RRP9: variants seen among roughly 807,000 people sequenced by gnomAD.
RRP9 encodes the protein ribosomal RNA processing 9, U3 small nucleolar RNA binding protein.
Under a neutral mutation model 65.5 loss-of-function variants are expected in RRP9, and 35 were observed. The observed-to-expected ratio is 0.53, with a 90% CI of 0.41 to 0.71. The LOEUF (loss-of-function observed/expected upper bound fraction) is 0.71, where lower values mean the gene tolerates loss of function less well. Ranked by LOEUF, RRP9 falls within the 30% of genes least tolerant of loss-of-function variation. The pLI, the probability that RRP9 is intolerant of heterozygous loss-of-function variation, is 0.00. For missense variants in RRP9, 533 were observed against 633.6 expected (o/e 0.84, Z 1.70); for synonymous variants, 254 against 245.0 (o/e 1.04, Z -0.34).
intron 1 of RRP9, 62 bp from the exon 2 acceptor site, chr3:51,941,553 G>C (rs887042923): frequency 3.4e-5 from 44 of 1,290,684 alleles, no homozygotes; most frequent in African/African-American, 2.7e-4. Flanking sequence ...TTGACCAAGG[G>C]CCCCCCCCCC....
chr3:51,941,366 G>A (rs1229443872), intron 2 of RRP9, 43 bp downstream of exon 2: 2 of 1,509,922 alleles, frequency 1.3e-6, no homozygotes, highest in Middle Eastern at 1.7e-4. Flanking sequence ...GTGCACCATG[G>A]GACTCAGTTT....
At position 51,935,238 on chromosome 3, in the gene RRP9, G is replaced by A. The variant is rs549951511; in HGVS notation, c.993C>T (p.His331=). The change falls in exon 11 of 15, where the codon CAC becomes CAT. Residue 331 remains histidine, a synonymous_variant. Transcript: ENST00000232888. ...YGHQGSIDCI[H]LINEEHMVSG... is the part of the protein sequence containing the mutation. ...ACACCATGTGCTCCTCATTGATTAGGTGGATGCAGTCGATGGAGCCCCTGG... is the reference window on the plus strand; with the variant it reads ...ACACCATGTGCTCCTCATTGATTAGATGGATGCAGTCGATGGAGCCCCTGG... The A allele has an allele frequency of 5.0e-6, 8 of 1,614,212 alleles. No homozygotes were observed. In the African/African-American group the frequency reaches 9.3e-5, roughly 19 times the overall value.
chr3:51,940,829 A>G (rs1467971106), intron 2 of RRP9, among the ~76,000 whole-genome samples: 1 of 152,022 alleles, frequency 6.6e-6, no homozygotes, highest in Non-Finnish European at 1.5e-5. Context: ...CATCTTTTCT[A>G]CTGCCCATTC....
Position 51,941,871 on chromosome 3 carries a change from G to A in RRP9, c.-4C>T, listed in dbSNP as rs571681060. ...GAGCAGCCGCTGTTGCCGACATGCT[G>A]CCCACCAGGCGTGTAGCAGCGGCCG... On this transcript the variant is annotated 5_prime_UTR_variant, in exon 1 of 15. Coordinates refer to ENST00000232888, the MANE Select transcript of RRP9 (RefSeq NM_004704.5). The A allele has an allele frequency of 2.6e-4, 407 of 1,577,352 alleles. 1 individual carries two copies. The highest frequency in any genetic ancestry group is 2.5e-3 in the Middle Eastern group (15 of 5,896).
chr3:51,933,445 T>C lies in RRP9; in HGVS notation c.*61A>G. ...AGAAACAAGGCCCAAAAGAGGAGGC[T>C]TTTAATACAAAGAGGGTGGGGCATA... is the stretch of plus-strand genomic sequence containing the variant. On this transcript the variant is annotated 3_prime_UTR_variant, in exon 15 of 15. Coordinates refer to ENST00000232888, the MANE Select transcript of RRP9 (RefSeq NM_004704.5). 1.5e-6 allele frequency: 2 copies of C among 1,340,238 alleles called. No individual in the cohort carries two copies. The highest frequency in any genetic ancestry group is 1.2e-5 in the South Asian group (1 of 81,206). 83.0% of individuals were successfully genotyped at this position (1,340,238 alleles called of 1,614,324 possible). A position where few individuals can be genotyped will look rare whatever the true frequency, so the allele number is the denominator to read the frequency against.
chr3:51,934,691 C>G lies in RRP9; in HGVS notation c.1120G>C (p.Glu374Gln). Residue 374 changes from glutamate to glutamine, a missense_variant, in exon 12 of 15, where the codon GAG becomes CAG. Coordinates refer to ENST00000232888, the MANE Select transcript of RRP9 (RefSeq NM_004704.5). This position sits in a 1 kb window ranked among gnomAD's most constrained non-coding sequence, Gnocchi z 4.1. ...AHGLRGEPGL[E>Q]QPFWISSVAA... is the part of the protein sequence containing the mutation. ...ACCGACGATATCCAGAAGGGCTGCT[C>G]CAGGCCTGGCTCTCCCCGCAGCCCG... 6 of 1,614,120 alleles carry G rather than the reference C, an allele frequency of 3.7e-6. No homozygotes were observed. The highest frequency in any genetic ancestry group is 5.1e-6 in the Non-Finnish European group (6 of 1,180,026).
At chr3:51,940,496 A>G (rs930703260) in intron 2 of RRP9, among the ~76,000 whole-genome samples, 1 of 152,052 alleles carries the variant, frequency 6.6e-6, no homozygotes, top group African/African-American at 2.4e-5. Context: ...ATCTACATGC[A>G]CTTATGACCA....
At chr3:51,939,397 G>C (rs1240658190) in intron 2 of RRP9, among the ~76,000 whole-genome samples, 1 of 152,252 alleles carries the variant, frequency 6.6e-6, no homozygotes, top group Non-Finnish European at 1.5e-5. Context: ...TCATACGCAT[G>C]AGACAGAACG....
At chr3:51,940,055 G>A (rs113431018) in intron 2 of RRP9, among the ~76,000 whole-genome samples, 2,135 of 152,180 alleles carry the variant, frequency 0.014, 45 homozygotes, top group African/African-American at 0.049. Context: ...TCAGGAGTTC[G>A]AGACCAGCCT....
Position 51,935,346 on chromosome 3 carries a change from G to C in RRP9, c.967C>G (p.His323Asp), listed in dbSNP as rs1466335724. 6.2e-7 allele frequency: 1 copy of C among 1,614,118 alleles called. No individual in the cohort carries two copies. Among genetic ancestry groups the C allele is most frequent in the South Asian group, 1.1e-5 (1 of 91,076 alleles). Reference sequence around the variant, plus strand: ...TGGCATGGCAGGCCACCTTACTGGTGGCCATAGAAGACAAGCTGGGACTCC... The same window carrying C: ...TGGCATGGCAGGCCACCTTACTGGTCGCCATAGAAGACAAGCTGGGACTCC... ...PEESQLVFYGHQGSIDCIHLI... is the reference protein window; with the variant it reads ...PEESQLVFYGDQGSIDCIHLI... The change falls in exon 10 of 15, where the codon CAC (histidine) becomes GAC (aspartate). Residue 323 changes from histidine to aspartate, a missense_variant. Physicochemically the swap from His to Asp is moderately conservative, Grantham distance 81. Transcript: ENST00000232888.
rs1189585690 is a variant in RRP9, at chr3:51,937,683, G to A, written c.334C>T (p.Leu112=). 1.2e-6 allele frequency: 2 copies of A among 1,614,048 alleles called. No individual in the cohort carries two copies. Among genetic ancestry groups the A allele is most frequent in the Non-Finnish European group, 1.7e-6 (2 of 1,180,012 alleles). ...TCCACACTTACCACATCCTCCTTCA[G>A]GCGCCCCGCCACCTGGTCCTCCTCA... ...AFEEDQVAGR[L]KEDVLEQRGR... is the part of the protein sequence containing the mutation. The change falls in exon 4 of 15, where the codon CTG becomes TTG. Residue 112 remains leucine, a synonymous_variant. Coordinates refer to ENST00000232888, the MANE Select transcript of RRP9 (RefSeq NM_004704.5). The surrounding 1 kb of genome is among the most constrained non-coding windows in gnomAD (Gnocchi z 5.0).
chr3:51,938,054 G>A, intron 3 of RRP9, 41 bp downstream of exon 3: 2 of 1,504,690 alleles, frequency 1.3e-6, no homozygotes, highest in South Asian at 1.2e-5. Context: ...GACCAGCACA[G>A]GCAGAAGCCC....
intron 1 of RRP9, 78 bp downstream of exon 1, chr3:51,941,703 G>A (rs1343524657): frequency 4.5e-6 from 6 of 1,343,286 alleles, no homozygotes; most frequent in African/African-American, 2.9e-5. Flanking sequence ...GGAAGGGCCG[G>A]GACCCAGGTC....
rs909864307 is a variant in RRP9 at position 51,937,133 on chromosome 3, C to T, written c.517+59G>A. ...GCCTGCCATGACCACTCCCACTCCC[C>T]TGACCAGCCCTCCCGGATCCGCCAT... On this transcript the variant is annotated intron_variant, in intron 6 of 14. Coordinates refer to ENST00000232888, the MANE Select transcript of RRP9 (RefSeq NM_004704.5). This position sits in a 1 kb window ranked among gnomAD's most constrained non-coding sequence, Gnocchi z 5.0. 2 of 1,600,404 alleles carry T rather than the reference C, an allele frequency of 1.2e-6. No individual in the cohort carries two copies. The highest frequency in any genetic ancestry group is 1.3e-5 in the African/African-American group (1 of 74,686).
At chr3:51,935,118 G>T in intron 11 of RRP9, 79 bp downstream of exon 11, 2 of 1,504,288 alleles carry the variant, frequency 1.3e-6, no homozygotes, top group South Asian at 1.1e-5. Flanking sequence ...GGGGTGCCCT[G>T]AGGCAAGCTC....
Position 51,941,824 on chromosome 3 carries a change from G to A in RRP9, c.44C>T (p.Ser15Phe), listed in dbSNP as rs748763265. 2.3e-4 allele frequency: 358 copies of A among 1,582,684 alleles called. No homozygotes were observed. The highest frequency in any genetic ancestry group is 3.0e-4 in the Non-Finnish European group (351 of 1,172,688). Residue 15 changes from serine (S) to phenylalanine (F), a missense_variant, in exon 1 of 15, where the codon TCT (serine) becomes TTT (phenylalanine). By Grantham distance (155) the Ser-to-Phe change is radical (BLOSUM62 -2). Around this residue, in one of 3 missense-constraint regions of RRP9, gnomAD observed 77 missense variants for 60.5 expected, o/e 1.27. Coordinates refer to ENST00000232888, the MANE Select transcript of RRP9 (RefSeq NM_004704.5). Reference protein sequence around the residue: ...AAARKRGKPASGAGAGAGAGK... With the variant: ...AAARKRGKPAFGAGAGAGAGK... ...GGCCCCCGCGCCAGCCCCGGCCCCAGAGGCCGGCTTTCCCCGCTTACGAGC... is the reference window on the plus strand; with the variant it reads ...GGCCCCCGCGCCAGCCCCGGCCCCAAAGGCCGGCTTTCCCCGCTTACGAGC...
chr3:51,934,627 C>T lies in RRP9; in HGVS notation c.1180+4G>A, dbSNP rs747398920. ...CCCTCCTCCCTGCCTCTCAGGGCAC[C>T]CACCTGTGGCCACAAGGTCTGTGTT... On this transcript the variant is annotated splice_donor_region_variant and intron_variant, in intron 12 of 14. Coordinates refer to ENST00000232888, the MANE Select transcript of RRP9 (RefSeq NM_004704.5). The surrounding 1 kb of genome is among the most constrained non-coding windows in gnomAD (Gnocchi z 4.1). 1.2e-6 allele frequency: 2 copies of T among 1,613,954 alleles called. No homozygotes were observed. Among genetic ancestry groups the T allele is most frequent in the Non-Finnish European group, 1.7e-6 (2 of 1,179,980 alleles).
chr3:51,934,376 T>C lies in RRP9; in HGVS notation c.1260+96A>G. On this transcript the variant is annotated intron_variant, in intron 13 of 14. Transcript: ENST00000232888. This position sits in a 1 kb window ranked among gnomAD's most constrained non-coding sequence, Gnocchi z 4.1. ...AGGAGCTGGCCCTGCCCTGAGAAGG[T>C]TCCCTTCTGGCAGGAAGAAAGACCT... is the stretch of plus-strand genomic sequence containing the variant. 1 of 1,300,260 alleles carries C rather than the reference T, an allele frequency of 7.7e-7. No homozygotes were observed. The highest frequency in any genetic ancestry group is 1.1e-6 in the Non-Finnish European group (1 of 939,978). 80.5% of individuals were successfully genotyped at this position (1,300,260 alleles called of 1,614,324 possible).
In RRP9 at chr3:51,934,908, C is replaced by T; in HGVS notation, c.1035-132G>A. Reference sequence around the variant, plus strand: ...GATGTGATTATTACATATTGCATGCCTGTATCAAAACATCTCAAGTACCCC... The same window carrying T: ...GATGTGATTATTACATATTGCATGCTTGTATCAAAACATCTCAAGTACCCC... On this transcript the variant is annotated intron_variant, in intron 11 of 14. Transcript: ENST00000232888. The surrounding 1 kb of genome is among the most constrained non-coding windows in gnomAD (Gnocchi z 4.1). 1 of 1,028,904 alleles carries T rather than the reference C, an allele frequency of 9.7e-7. No individual in the cohort carries two copies. The highest frequency in any genetic ancestry group is 1.4e-6 in the Non-Finnish European group (1 of 717,054). 63.7% of individuals were successfully genotyped at this position (1,028,904 alleles called of 1,614,324 possible). A position where few individuals can be genotyped will look rare whatever the true frequency, so the allele number is the denominator to read the frequency against.
Sources: gnomAD v4.1 joint callset for allele counts (sites outside exome capture counted in the v4.1 genomes callset) on GRCh38, gnomAD v4.1.1 for gene constraint, gnomAD v4.1.1 regional missense constraint, Gnocchi (gnomAD v3.1) non-coding constraint, MANE v1.5 for transcripts, NCBI Gene and HGNC (gene_info 2026-07-23, HGNC 2026-07-21) for gene names.